The following RANBP2 variants were observed in gnomAD, a reference collection of about 807,000 sequenced individuals.
RANBP2 encodes RAN binding protein 2.
RANBP2 carries 57 observed loss-of-function variants against 303.6 expected under a neutral mutation model. That is an observed-to-expected ratio of 0.19 (90% confidence interval 0.15 to 0.23). The LOEUF is 0.23. Ranked by LOEUF, RANBP2 falls within the 10% of genes least tolerant of loss-of-function variation. RANBP2 has a pLI of 1.00. For missense variants in RANBP2, 3,138 were observed against 3,780.8 expected, an observed-to-expected ratio of 0.83 and a Z score of 4.46; for synonymous variants, 1,167 against 1,301.5, an observed-to-expected ratio of 0.90 and a Z score of 2.23.
chr2:108,823,485 A>G, the RANBP2 span, among the ~76,000 whole-genome samples: 10,699 of 152,252 alleles, frequency 0.07, 1,277 homozygotes, highest in African/African-American at 0.24. Flanking sequence ...TTGTGCAAAC[A>G]TTGTAGAGTG....
the RANBP2 span, among the ~76,000 whole-genome samples, chr2:109,071,862 C>G: frequency 1.3e-5 from 2 of 152,084 alleles, no homozygotes; most frequent in African/African-American, 2.4e-5. Flanking sequence ...AACACAGGAA[C>G]ATGCCAGCAT....
chr2:109,476,858 C>G, the RANBP2 span, among the ~76,000 whole-genome samples: 9 of 152,190 alleles, frequency 5.9e-5, no homozygotes, highest in Non-Finnish European at 1.2e-4. Context: ...TAAACCATAT[C>G]GGGTAACTTC....
the RANBP2 span, among the ~76,000 whole-genome samples, chr2:109,350,653 C>G: frequency 6.6e-6 from 1 of 152,238 alleles, no homozygotes; most frequent in African/African-American, 2.4e-5. Flanking sequence ...CGCTCAGTTC[C>G]TGTTTTCCCC....
the RANBP2 span, among the ~76,000 whole-genome samples, chr2:109,600,314 C>T: frequency 6.6e-6 from 1 of 152,112 alleles, no homozygotes; most frequent in Non-Finnish European, 1.5e-5. Context: ...AATACTACCC[C>T]TGCCCCTCAT....
At position 108,759,399 on chromosome 2, in the gene RANBP2, A is replaced by G. The variant is rs1676561182; in HGVS notation, c.2602+851A>G. ...GTGGTGTAACTCCAAAGCACTTGCC[A>G]GTATAATACATTGCTCCCAGGCAGC... On this transcript the variant is annotated intron_variant, in intron 18 of 28. Transcript: ENST00000283195. Among the ~76,000 whole-genome samples, 5 of 152,224 alleles carry G rather than the reference A, an allele frequency of 3.3e-5. No individual in the cohort carries two copies. In the South Asian group the frequency reaches 1.0e-3, roughly 31 times the overall value.
the RANBP2 span, chr2:109,129,685 T>G: frequency 1.3e-6 from 2 of 1,523,546 alleles, no homozygotes; most frequent in African/African-American, 1.4e-5. Context: ...CATGGACGAG[T>G]CGTCGCTGCT....
the RANBP2 span, among the ~76,000 whole-genome samples, chr2:109,054,028 C>T: frequency 2.3e-3 from 356 of 152,286 alleles, 1 homozygote; most frequent in African/African-American, 8.2e-3. Context: ...GGGGCTGAGG[C>T]GGAGGCCACT....
chr2:109,725,277 A>G, the RANBP2 span, among the ~76,000 whole-genome samples: 12 of 152,232 alleles, frequency 7.9e-5, no homozygotes, highest in East Asian at 2.3e-3. Context: ...TTGGGGCCCA[A>G]GTGTACTCCT....
At chr2:109,462,243 A>G in the RANBP2 span, among the ~76,000 whole-genome samples, 32 of 151,090 alleles carry the variant, frequency 2.1e-4, 1 homozygote, top group East Asian at 4.1e-3. Context: ...ATTTTGTGAC[A>G]CAGAGTTGGA....
At chr2:109,593,348 T>C in the RANBP2 span, among the ~76,000 whole-genome samples, 1 of 151,716 alleles carries the variant, frequency 6.6e-6, no homozygotes, top group African/African-American at 2.4e-5. Flanking sequence ...GTAATATACT[T>C]GCACACAAAA....
the RANBP2 span, among the ~76,000 whole-genome samples, chr2:109,141,941 A>C: frequency 6.6e-6 from 1 of 150,780 alleles, no homozygotes; most frequent in East Asian, 1.9e-4. Context: ...CCCTTTCTAC[A>C]CTCACGGAAG....
chr2:109,175,158 G>T, the RANBP2 span, among the ~76,000 whole-genome samples: 3 of 152,232 alleles, frequency 2.0e-5, no homozygotes, highest in East Asian at 5.8e-4. Flanking sequence ...CCTAGTCCTG[G>T]TCCAGACTAG....
chr2:109,592,271 C>A, the RANBP2 span, among the ~76,000 whole-genome samples: 1 of 151,826 alleles, frequency 6.6e-6, no homozygotes, highest in East Asian at 1.9e-4. Context: ...TCGAGACCAG[C>A]CTGGGCAACC....
the RANBP2 span, chr2:109,618,028 A>G: frequency 6.0e-6 from 1 of 166,904 alleles, no homozygotes; most frequent in Non-Finnish European, 1.5e-5. Flanking sequence ...AAAAAAAAAA[A>G]AAAAAGATGA....
chr2:108,847,108 T>G, the RANBP2 span, among the ~76,000 whole-genome samples: 1 of 152,254 alleles, frequency 6.6e-6, no homozygotes, highest in Non-Finnish European at 1.5e-5. Flanking sequence ...AATTGAAGTC[T>G]TTAGTTGGAT....
the RANBP2 span, chr2:108,812,553 G>C: frequency 9.9e-7 from 1 of 1,014,308 alleles, no homozygotes; most frequent in Non-Finnish European, 1.5e-6. Context: ...AACCAGATTA[G>C]ATAGTAGATT....
the RANBP2 span, among the ~76,000 whole-genome samples, chr2:109,467,975 A>T: frequency 6.6e-6 from 1 of 152,256 alleles, no homozygotes; most frequent in African/African-American, 2.4e-5. Flanking sequence ...AGAGGCAGAG[A>T]GACCCTGGAG....
the RANBP2 span, among the ~76,000 whole-genome samples, chr2:109,674,617 TTA>T: frequency 2.0e-5 from 3 of 151,814 alleles, no homozygotes; most frequent in African/African-American, 7.3e-5. Context: ...AAAAAAAATA[TTA>T]GTTTCTAAAA....
the RANBP2 span, among the ~76,000 whole-genome samples, chr2:108,802,567 G>T: frequency 1.4e-5 from 2 of 143,508 alleles, no homozygotes; most frequent in Non-Finnish European, 3.0e-5. Flanking sequence ...CAATCATGTC[G>T]TCTGCAAACA....
Sources: allele counts gnomAD v4.1 joint callset (sites outside exome capture counted in the v4.1 genomes callset), GRCh38; gene constraint gnomAD v4.1.1; transcripts MANE v1.5; gene names NCBI Gene and HGNC (gene_info 2026-07-23, HGNC 2026-07-21).